SLC24A2: variants seen among roughly 807,000 people sequenced by gnomAD.
The protein encoded by SLC24A2 is sodium/potassium/calcium exchanger 2.
A neutral mutation model predicts 62.0 loss-of-function variants in SLC24A2; 36 were observed. The observed-to-expected ratio is 0.58, with a 90% confidence interval of 0.44 to 0.77. SLC24A2 has a LOEUF of 0.77. SLC24A2 is among the 30% of genes least tolerant of loss of function. SLC24A2 has a pLI of 0.00. For missense variants in SLC24A2, 846 were observed against 817.9 expected, an observed-to-expected ratio of 1.03 and a Z score of -0.42; for synonymous variants, 358 against 294.0, an observed-to-expected ratio of 1.22 and a Z score of -2.23.
At chr9:20,098,855 CTGGT>C in the SLC24A2 span, among the ~76,000 whole-genome samples, 1 of 152,184 alleles carries the variant, frequency 6.6e-6, no homozygotes. Context: ...ATGAGTAACT[CTGGT>C]CTAGTATTTT....
chr9:20,040,525 C>G, the SLC24A2 span, among the ~76,000 whole-genome samples: 11 of 152,322 alleles, frequency 7.2e-5, no homozygotes, highest in South Asian at 2.3e-3. Flanking sequence ...TCACCCATTT[C>G]TTTTCAACCC....
the SLC24A2 span, among the ~76,000 whole-genome samples, chr9:19,872,368 AAGG>A: frequency 1.3e-5 from 2 of 152,294 alleles, no homozygotes; most frequent in East Asian, 3.9e-4. Context: ...CCGAAGGATA[AAGG>A]AGGAGTTCTC....
At chr9:20,019,530 T>C in the SLC24A2 span, among the ~76,000 whole-genome samples, 2 of 152,166 alleles carry the variant, frequency 1.3e-5, no homozygotes, top group African/African-American at 2.4e-5. Flanking sequence ...TTCTGTCCCA[T>C]TGGACTATAT....
chr9:19,652,057 G>A (rs567443111), intron 2 of SLC24A2, among the ~76,000 whole-genome samples: 1 of 152,192 alleles, frequency 6.6e-6, no homozygotes, highest in Non-Finnish European at 1.5e-5. Context: ...TATACTAAGT[G>A]TTCTGCATAG....
chr9:20,118,084 A>C, the SLC24A2 span, among the ~76,000 whole-genome samples: 2 of 152,174 alleles, frequency 1.3e-5, no homozygotes, highest in African/African-American at 4.8e-5. Flanking sequence ...AATCTGCCTT[A>C]GGATAAAGAG....
the SLC24A2 span, among the ~76,000 whole-genome samples, chr9:20,281,662 C>G: frequency 8.7e-4 from 132 of 152,288 alleles, 1 homozygote; most frequent in African/African-American, 3.1e-3. Context: ...AACTGCTCAG[C>G]ATCATTGTTG....
the SLC24A2 span, among the ~76,000 whole-genome samples, chr9:19,835,391 C>T: frequency 9.4e-5 from 9 of 95,520 alleles, no homozygotes; most frequent in Non-Finnish European, 2.0e-4. Context: ...ATCTACCAAG[C>T]AAATGGAAAA....
chr9:19,720,185 T>G (rs554430490), intron 2 of SLC24A2, among the ~76,000 whole-genome samples: 7 of 152,228 alleles, frequency 4.6e-5, no homozygotes, highest in African/African-American at 1.7e-4. Flanking sequence ...CTTTCTTTGC[T>G]ATATTGCCTT....
At chr9:19,941,414 C>T in the SLC24A2 span, among the ~76,000 whole-genome samples, 1 of 152,076 alleles carries the variant, frequency 6.6e-6, no homozygotes, top group Non-Finnish European at 1.5e-5. Context: ...TAACTTTTTT[C>T]TCTGTCTTTC....
the SLC24A2 span, among the ~76,000 whole-genome samples, chr9:20,276,241 A>G: frequency 6.6e-6 from 1 of 152,264 alleles, no homozygotes; most frequent in Non-Finnish European, 1.5e-5. Context: ...TCCTAGATAC[A>G]ATGGGGATAC....
At chr9:19,629,418 AT>A (rs1411084334) in intron 2 of SLC24A2, among the ~76,000 whole-genome samples, 1 of 152,180 alleles carries the variant, frequency 6.6e-6, no homozygotes, top group African/African-American at 2.4e-5. Context: ...ATTTGTGTTT[AT>A]TTTGTACAAA....
At chr9:19,976,729 C>G in the SLC24A2 span, among the ~76,000 whole-genome samples, 1 of 152,022 alleles carries the variant, frequency 6.6e-6, no homozygotes, top group South Asian at 2.1e-4. Flanking sequence ...TTTGAGTGTC[C>G]ACAGATTTTG....
At chr9:19,734,148 T>C in intron 2 of SLC24A2, among the ~76,000 whole-genome samples, 1 of 152,196 alleles carries the variant, frequency 6.6e-6, no homozygotes, top group Non-Finnish European at 1.5e-5. Flanking sequence ...AGGGAATCCT[T>C]TCCCCATTGC....
chr9:19,900,465 T>C, the SLC24A2 span, among the ~76,000 whole-genome samples: 6 of 152,218 alleles, frequency 3.9e-5, no homozygotes, highest in African/African-American at 1.2e-4. Flanking sequence ...CTCCATTATC[T>C]TGGGGAGTTG....
chr9:20,035,699 G>T, the SLC24A2 span, among the ~76,000 whole-genome samples: 1 of 152,188 alleles, frequency 6.6e-6, no homozygotes, highest in African/African-American at 2.4e-5. Flanking sequence ...CGTCCAGGCT[G>T]CAGTGAGCCA....
At position 19,632,641 on chromosome 9, in the gene SLC24A2, T is replaced by C. The variant is rs1818207564; in HGVS notation, c.931-10342A>G. Among the ~76,000 whole-genome samples, 1 of 152,234 alleles carries C rather than the reference T, an allele frequency of 6.6e-6. No individual in the cohort carries two copies. Among genetic ancestry groups the C allele is most frequent in the African/African-American group, 2.4e-5 (1 of 41,458 alleles). ...TTAGGAAACATTTTTAATAACTTCT[T>C]ATTTGGAAATAATTATAGATTCACA... On this transcript the variant is annotated intron_variant, in intron 2 of 10. Transcript: ENST00000341998. This position sits in a 1 kb window ranked among gnomAD's most constrained non-coding sequence, Gnocchi z 4.5.
chr9:19,830,066 G>C, the SLC24A2 span, among the ~76,000 whole-genome samples: 21 of 152,114 alleles, frequency 1.4e-4, no homozygotes, highest in African/African-American at 5.1e-4. Flanking sequence ...TGGGTGATGA[G>C]GGAGCCAGTC....
the SLC24A2 span, among the ~76,000 whole-genome samples, chr9:20,217,404 C>T: frequency 2.6e-5 from 4 of 152,162 alleles, no homozygotes; most frequent in African/African-American, 9.7e-5. Flanking sequence ...GTACTGGCTA[C>T]ACTGATGTGT....
At chr9:20,256,017 T>C in the SLC24A2 span, among the ~76,000 whole-genome samples, 9 of 152,132 alleles carry the variant, frequency 5.9e-5, no homozygotes, top group Non-Finnish European at 1.3e-4. Flanking sequence ...AGGCCATTCT[T>C]TATATATAAT....
Sources: gnomAD v4.1 joint callset for allele counts (sites outside exome capture counted in the v4.1 genomes callset) on GRCh38, gnomAD v4.1.1 for gene constraint, Gnocchi (gnomAD v3.1) non-coding constraint, MANE v1.5 for transcripts, NCBI Gene and HGNC (gene_info 2026-07-23, HGNC 2026-07-21) for gene names.